Variants in LCMT1 observed in about 807,000 individuals in gnomAD.
LCMT1 encodes [Phosphatase 2A protein]-leucine-carboxy methyltransferase 1.
In LCMT1, 32 loss-of-function variants were observed where a neutral mutation model predicts 47.7. The observed-to-expected ratio is 0.67, with a 90% CI of 0.51 to 0.90. LCMT1 has a LOEUF of 0.90. LCMT1 is among the 40% of genes least tolerant of loss of function. The pLI is 0.00. For missense variants in LCMT1, 375 were observed against 415.2 expected (o/e 0.90, Z 0.84); for synonymous variants, 152 against 149.7 (o/e 1.02, Z -0.11).
At chr16:25,166,245 G>C (rs1961586703) in intron 7 of LCMT1, among the ~76,000 whole-genome samples, 1 of 146,760 alleles carries the variant, frequency 6.8e-6, no homozygotes, top group South Asian at 2.2e-4. Context: ...ACTCCAGCCT[G>C]AGTGACCGAG....
In LCMT1 at chr16:25,160,313, A is replaced by G. The variant is rs1010553941; in HGVS notation, c.467-789A>G. Among the ~76,000 whole-genome samples the G allele has an allele frequency of 4.2e-3, 8 of 1,924 alleles. No individual in the cohort carries two copies. The Non-Finnish European group carries it at 0.045, about 11-fold the overall frequency. The allele number at this position is 1,924 out of a possible 152,430, so 1.3% of individuals were successfully genotyped here. On this transcript the variant is annotated intron_variant, in intron 5 of 10. Transcript: ENST00000399069. ...GAGAAATTTGGGGTGGAGCCTATCA[A>G]TCTGGTTTAGCACGCCACCCAGTTG...
At chr16:25,151,355 A>G (rs923235404) in intron 4 of LCMT1, among the ~76,000 whole-genome samples, 199 bp from the exon 5 acceptor site, 4 of 152,218 alleles carry the variant, frequency 2.6e-5, no homozygotes, top group Admixed American at 6.5e-5. Context: ...ACCTGTGTCC[A>G]CTGAAGTTTT....
chr16:25,119,452 C>T (rs1331624235), intron 1 of LCMT1, among the ~76,000 whole-genome samples: 1 of 152,092 alleles, frequency 6.6e-6, no homozygotes, highest in Non-Finnish European at 1.5e-5. Flanking sequence ...AGCTTGGCCA[C>T]AGTGACGGGA....
chr16:25,151,060 T>C (rs1375078130), intron 4 of LCMT1, among the ~76,000 whole-genome samples: 1 of 152,204 alleles, frequency 6.6e-6, no homozygotes, highest in African/African-American at 2.4e-5. Flanking sequence ...GTCTGATTTC[T>C]GATTTTTTGC....
chr16:25,112,121 G>A, intron 1 of LCMT1, 125 bp downstream of exon 1: 1 of 718,192 alleles, frequency 1.4e-6, no homozygotes, highest in Admixed American at 2.0e-5. Context: ...CACGACCCTC[G>A]CTTCCCACCT....
intron 1 of LCMT1, among the ~76,000 whole-genome samples, chr16:25,123,139 A>G (rs1209037810): frequency 1.3e-5 from 2 of 151,072 alleles, no homozygotes; most frequent in South Asian, 2.1e-4. Flanking sequence ...ATTCCACATC[A>G]TTAGCCATTT....
At chr16:25,132,093 T>A (rs779244644) in intron 2 of LCMT1, 3 of 434,366 alleles carry the variant, frequency 6.9e-6, no homozygotes, top group East Asian at 1.1e-4. Flanking sequence ...GAAAGGCACA[T>A]TTCCAAGATG....
At position 25,169,361 on chromosome 16, in the gene LCMT1, T is replaced by C. The variant is rs150572918; in HGVS notation, c.792+148T>C. 22 of 597,370 alleles carry C rather than the reference T, an allele frequency of 3.7e-5. No individual in the cohort carries two copies. In the African/African-American group the frequency reaches 3.9e-4, roughly 11 times the overall value. The allele number at this position is 597,370 out of a possible 1,614,324, so 37.0% of individuals were successfully genotyped here. A position where few individuals can be genotyped will look rare whatever the true frequency, so the allele number is the denominator to read the frequency against. On this transcript the variant is annotated intron_variant, in intron 8 of 10. Transcript: ENST00000399069. ...CTGAGCCTCCATGTGGGCCGCTAGT[T>C]CATGATGCTGGGAAGACCAAGTCCT... is the stretch of plus-strand genomic sequence containing the variant.
At chr16:25,162,616 A>G (rs947468898) in intron 6 of LCMT1, among the ~76,000 whole-genome samples, 6 of 151,870 alleles carry the variant, frequency 4.0e-5, no homozygotes, top group African/African-American at 1.5e-4. Context: ...AAAGAAAAGA[A>G]AAAGAAAAAT....
intron 9 of LCMT1, chr16:25,174,709 C>T (rs554279287): frequency 1.0e-5 from 3 of 286,208 alleles, no homozygotes; most frequent in East Asian, 1.2e-4. Context: ...ACTTGAATTG[C>T]AAATATATGT....
intron 9 of LCMT1, 141 bp from the exon 10 acceptor site, chr16:25,174,796 G>A (rs1023360156): frequency 3.7e-5 from 16 of 430,706 alleles, no homozygotes; most frequent in African/African-American, 2.7e-4. Flanking sequence ...TTAAAATGGA[G>A]CCACACCATA....
chr16:25,167,348 C>T (rs1205549542), intron 7 of LCMT1, among the ~76,000 whole-genome samples: 2 of 151,130 alleles, frequency 1.3e-5, no homozygotes, highest in East Asian at 1.9e-4. Context: ...GACAGGGTCT[C>T]GTTCTGTCGC....
rs73563432 is a variant in LCMT1, at chr16:25,131,612, C to T, written c.206-790C>T. 9.9e-3 allele frequency among the ~76,000 whole-genome samples: 1,512 copies of T among 152,306 alleles called. 26 individuals carry two copies. The highest frequency in any genetic ancestry group is 0.035 in the African/African-American group (1,444 of 41,554). On this transcript the variant is annotated intron_variant, in intron 2 of 10. Transcript: ENST00000399069. Reference sequence around the variant, plus strand: ...ATTTTTTTCTTAAAATAGTCACATACTGTTAACAGCCATGCACATACTTTG... The same window carrying T: ...ATTTTTTTCTTAAAATAGTCACATATTGTTAACAGCCATGCACATACTTTG...
intron 8 of LCMT1, among the ~76,000 whole-genome samples, chr16:25,170,041 G>A (rs1030405349): frequency 6.6e-6 from 1 of 152,048 alleles, no homozygotes; most frequent in African/African-American, 2.4e-5. Context: ...CCAACATGGT[G>A]AAACCCCATC....
In LCMT1 at chr16:25,111,812, G is replaced by T; in HGVS notation, c.-72G>T. 9.9e-7 allele frequency: 1 copy of T among 1,007,232 alleles called. No homozygotes were observed. Among genetic ancestry groups the T allele is most frequent in the Non-Finnish European group, 1.5e-6 (1 of 656,604 alleles). 62.4% of individuals were successfully genotyped at this position (1,007,232 alleles called of 1,614,324 possible). A position where few individuals can be genotyped will look rare whatever the true frequency, so the allele number is the denominator to read the frequency against. Reference sequence around the variant, plus strand: ...CTGTTGCTTTCTCCCTGTGGCTCGCGCCGTCCCCCGCCGCCCGTCGACCCC... The same window carrying T: ...CTGTTGCTTTCTCCCTGTGGCTCGCTCCGTCCCCCGCCGCCCGTCGACCCC... On this transcript the variant is annotated 5_prime_UTR_variant, in exon 1 of 11. Coordinates refer to ENST00000399069, the MANE Select transcript of LCMT1 (RefSeq NM_016309.3).
rs536307879 is a variant in LCMT1 at position 25,122,176 on chromosome 16, G to A, written c.114-6299G>A. ...TATTCAGTAGTCTGTCTCTTTCCTT[G>A]TTTACCAGCTGCTGGGTAGAAAATA... is the stretch of plus-strand genomic sequence containing the variant. On this transcript the variant is annotated intron_variant, in intron 1 of 10. Transcript: ENST00000399069. Among the ~76,000 whole-genome samples the A allele has an allele frequency of 3.9e-5, 6 of 152,276 alleles. No individual in the cohort carries two copies. The South Asian group carries it at 1.2e-3, about 32-fold the overall frequency.
At chr16:25,132,762 T>A (rs746187287) in intron 3 of LCMT1, among the ~76,000 whole-genome samples, 1 of 152,022 alleles carries the variant, frequency 6.6e-6, no homozygotes, top group Non-Finnish European at 1.5e-5. Flanking sequence ...ATAATAAAAA[T>A]CCTTATATTT....
In LCMT1 at chr16:25,132,393, C is replaced by A; in HGVS notation, c.206-9C>A. On this transcript the variant is annotated splice_polypyrimidine_tract_variant and intron_variant, in intron 2 of 10. Transcript: ENST00000399069. ...GATAGCTTGTTTCTGTGCCTCCCCT[C>A]CCCCCTAGGATATTTTGCTCGAGTC... The A allele has an allele frequency of 2.5e-6, 4 of 1,610,962 alleles. No homozygotes were observed. The highest frequency in any genetic ancestry group is 3.4e-6 in the Non-Finnish European group (4 of 1,179,268).
chr16:25,132,012 A>G (rs1330412881), intron 2 of LCMT1: 3 of 296,930 alleles, frequency 1.0e-5, no homozygotes, highest in Middle Eastern at 8.5e-4. Flanking sequence ...CCTGACCCAT[A>G]CTATTATTTT....
Sources: gnomAD v4.1 joint callset for allele counts (sites outside exome capture counted in the v4.1 genomes callset) on GRCh38, gnomAD v4.1.1 for gene constraint, MANE v1.5 for transcripts, NCBI Gene and HGNC (gene_info 2026-07-23, HGNC 2026-07-21) for gene names.